Variants in CADPS2 observed in about 807,000 individuals in gnomAD.
CADPS2 encodes the protein calcium-dependent secretion activator 2.
A neutral mutation model predicts 172.5 loss-of-function variants in CADPS2; 93 were observed. The observed-to-expected ratio is 0.54, with a 90% CI of 0.46 to 0.64. The LOEUF (loss-of-function observed/expected upper bound fraction) is 0.64. Ranked by LOEUF, CADPS2 falls within the 30% of genes least tolerant of loss-of-function variation. The pLI, the probability that CADPS2 is intolerant of heterozygous loss-of-function variation, is 0.00. For synonymous variants in CADPS2, 546 were observed against 555.2 expected, an observed-to-expected ratio of 0.98 and a Z score of 0.23; for missense variants, 1,420 against 1,565.9, an observed-to-expected ratio of 0.91 and a Z score of 1.57.
intron 2 of CADPS2, among the ~76,000 whole-genome samples, chr7:122,700,037 T>C (rs553769826): frequency 6.6e-6 from 1 of 152,300 alleles, no homozygotes; most frequent in East Asian, 1.9e-4. Context: ...GCCACAATCA[T>C]GTCAGTGGCA....
intron 1 of CADPS2, among the ~76,000 whole-genome samples, chr7:122,750,226 A>G (rs1199313400): frequency 6.6e-6 from 1 of 152,188 alleles, no homozygotes; most frequent in Non-Finnish European, 1.5e-5. Context: ...CAAATTAAAT[A>G]CAGAATTCTC....
At chr7:122,874,915 A>C (rs1026891218) in intron 1 of CADPS2, among the ~76,000 whole-genome samples, 1 of 152,234 alleles carries the variant, frequency 6.6e-6, no homozygotes, top group Non-Finnish European at 1.5e-5. Flanking sequence ...GTGAGACCTA[A>C]AACCATAAAA....
chr7:122,522,810 T>G (rs2060914907), intron 8 of CADPS2, among the ~76,000 whole-genome samples: 1 of 151,932 alleles, frequency 6.6e-6, no homozygotes. Context: ...CTTTTACATG[T>G]GAGAACATGT....
intron 6 of CADPS2, among the ~76,000 whole-genome samples, chr7:122,586,271 T>C (rs762288681): frequency 1.3e-5 from 2 of 151,926 alleles, no homozygotes; most frequent in Non-Finnish European, 2.9e-5. Flanking sequence ...TCTATTCTAA[T>C]AGGAGATTTT....
chr7:122,602,206 A>C (rs868388049), intron 6 of CADPS2, among the ~76,000 whole-genome samples: 2 of 152,062 alleles, frequency 1.3e-5, no homozygotes, highest in South Asian at 4.1e-4. Context: ...GAAAAAAAAA[A>C]AGTTTATTTT....
At chr7:122,561,483 T>A (rs2065773079) in intron 7 of CADPS2, among the ~76,000 whole-genome samples, 1 of 152,124 alleles carries the variant, frequency 6.6e-6, no homozygotes, top group African/African-American at 2.4e-5. Context: ...GATGGGAGGA[T>A]TAAGGATAAA....
At chr7:122,794,604 G>A (rs1795973647) in intron 1 of CADPS2, among the ~76,000 whole-genome samples, 1 of 151,846 alleles carries the variant, frequency 6.6e-6, no homozygotes, top group Admixed American at 6.6e-5. Flanking sequence ...CTCAGTACTG[G>A]ATCAAAGGGA....
At chr7:122,642,896 T>C (rs968642217) in intron 3 of CADPS2, among the ~76,000 whole-genome samples, 11 of 152,206 alleles carry the variant, frequency 7.2e-5, no homozygotes, top group African/African-American at 7.2e-5. Flanking sequence ...ACACCAATTA[T>C]GTCATACTCT....
intron 1 of CADPS2, among the ~76,000 whole-genome samples, chr7:122,743,302 G>A (rs548897713): frequency 2.0e-5 from 3 of 152,250 alleles, no homozygotes; most frequent in African/African-American, 4.8e-5. Context: ...GTTCAGAGGT[G>A]TCTCATGTTT....
chr7:122,359,495 C>T (rs1259592754), intron 27 of CADPS2, among the ~76,000 whole-genome samples: 1 of 152,092 alleles, frequency 6.6e-6, no homozygotes, highest in Non-Finnish European at 1.5e-5. Context: ...CAATTAAAAA[C>T]CTCAAAATCT....
chr7:122,692,857 G>A (rs917709253), intron 2 of CADPS2, among the ~76,000 whole-genome samples: 3 of 152,218 alleles, frequency 2.0e-5, no homozygotes, highest in Non-Finnish European at 4.4e-5. Context: ...TGCTTGAGCT[G>A]GCTGCACAGC....
intron 2 of CADPS2, among the ~76,000 whole-genome samples, chr7:122,727,819 T>C (rs568654698): frequency 6.6e-6 from 1 of 152,062 alleles, no homozygotes; most frequent in East Asian, 1.9e-4. Context: ...ACTCAACACT[T>C]AATTTAAAAT....
chr7:122,516,910 G>C (rs572346239), intron 8 of CADPS2, among the ~76,000 whole-genome samples: 2 of 151,540 alleles, frequency 1.3e-5, no homozygotes, highest in East Asian at 3.9e-4. Context: ...TAGTTTATTG[G>C]TATAGTTTAC....
chr7:122,824,627 T>C (rs1003863381), intron 1 of CADPS2, among the ~76,000 whole-genome samples: 2 of 152,220 alleles, frequency 1.3e-5, no homozygotes, highest in Admixed American at 6.5e-5. Flanking sequence ...ATAAATACTT[T>C]TAGTCCTTTA....
intron 1 of CADPS2, among the ~76,000 whole-genome samples, chr7:122,849,027 A>G (rs1812786744): frequency 6.6e-6 from 1 of 152,192 alleles, no homozygotes; most frequent in South Asian, 2.1e-4. Flanking sequence ...CAATTACTAA[A>G]CCTTTCAATC....
intron 1 of CADPS2, among the ~76,000 whole-genome samples, chr7:122,878,632 T>G (rs944415035): frequency 2.9e-5 from 4 of 136,768 alleles, no homozygotes; most frequent in Non-Finnish European, 4.6e-5. Context: ...AGAGCAAGAC[T>G]CTGTCTCAAA....
chr7:122,494,660 C>T (rs1369076481), intron 9 of CADPS2, among the ~76,000 whole-genome samples: 1 of 151,590 alleles, frequency 6.6e-6, no homozygotes, highest in Admixed American at 6.6e-5. Context: ...AAAGAATATA[C>T]ATTATTTTAA....
intron 1 of CADPS2, among the ~76,000 whole-genome samples, chr7:122,803,861 A>G (rs1351392880): frequency 6.6e-6 from 1 of 151,216 alleles, no homozygotes. Context: ...TACACATCTT[A>G]TATTCAAATT....
At chr7:122,677,255 G>A (rs1327641281) in intron 2 of CADPS2, among the ~76,000 whole-genome samples, 3 of 152,212 alleles carry the variant, frequency 2.0e-5, no homozygotes, top group Non-Finnish European at 1.5e-5. Flanking sequence ...GAATCTAGCT[G>A]AGGAGGTCAT....
Sources: gnomAD v4.1 joint callset for allele counts (sites outside exome capture counted in the v4.1 genomes callset) on GRCh38, gnomAD v4.1.1 for gene constraint, MANE v1.5 for transcripts, NCBI Gene and HGNC (gene_info 2026-07-23, HGNC 2026-07-21) for gene names.